SPMIP2: variants seen among roughly 807,000 people sequenced by gnomAD.
SPMIP2 encodes the protein protein SPMIP2.
chr4:158,914,950 C>A, the SPMIP2 span, among the ~76,000 whole-genome samples: 69 of 152,316 alleles, frequency 4.5e-4, no homozygotes, highest in Middle Eastern at 0.014. Context: ...TCTGAGGACA[C>A]AACCTCTTGT....
At chr4:158,987,328 C>T in the SPMIP2 span, among the ~76,000 whole-genome samples, 1 of 152,134 alleles carries the variant, frequency 6.6e-6, no homozygotes, top group Non-Finnish European at 1.5e-5. Flanking sequence ...AAGACACATG[C>T]ACACATATGT....
At chr4:158,972,356 T>G in the SPMIP2 span, among the ~76,000 whole-genome samples, 1 of 152,216 alleles carries the variant, frequency 6.6e-6, no homozygotes, top group Admixed American at 6.5e-5. Context: ...AGTGAGACCC[T>G]GTCTCTAAAT....
chr4:159,066,270 G>A, the SPMIP2 span, among the ~76,000 whole-genome samples: 1 of 152,216 alleles, frequency 6.6e-6, no homozygotes, highest in East Asian at 1.9e-4. Flanking sequence ...ATATCTGCAG[G>A]GGACAAAAAT....
the SPMIP2 span, among the ~76,000 whole-genome samples, chr4:158,977,623 T>C: frequency 2.7e-4 from 35 of 127,446 alleles, no homozygotes; most frequent in Middle Eastern, 4.0e-3. Context: ...TTTTTTTTTT[T>C]TTTCTCTTTG....
At chr4:159,002,840 G>A in the SPMIP2 span, among the ~76,000 whole-genome samples, 3 of 151,920 alleles carry the variant, frequency 2.0e-5, no homozygotes, top group East Asian at 3.9e-4. Context: ...ATTTCTTACT[G>A]TGGACTGCAG....
At chr4:159,061,420 A>G in the SPMIP2 span, among the ~76,000 whole-genome samples, 2 of 151,902 alleles carry the variant, frequency 1.3e-5, no homozygotes, top group African/African-American at 4.8e-5. Flanking sequence ...GTATCCTGGG[A>G]CACTGGTTCA....
At chr4:159,064,295 T>G in the SPMIP2 span, 1 of 152,134 alleles carries the variant, frequency 6.6e-6, no homozygotes, top group Non-Finnish European at 1.5e-5. Flanking sequence ...ATTATTATTT[T>G]TTTAAGACTA....
chr4:159,031,528 T>G, the SPMIP2 span, among the ~76,000 whole-genome samples: 1 of 152,218 alleles, frequency 6.6e-6, no homozygotes, highest in Admixed American at 6.5e-5. Context: ...GTGTGTTGGA[T>G]CCTTATTCTC....
chr4:158,975,655 T>C, the SPMIP2 span, among the ~76,000 whole-genome samples: 1 of 152,238 alleles, frequency 6.6e-6, no homozygotes, highest in Non-Finnish European at 1.5e-5. Context: ...ACCATTGGTC[T>C]ACATATCTAT....
the SPMIP2 span, among the ~76,000 whole-genome samples, chr4:159,071,864 A>T: frequency 6.6e-6 from 1 of 152,208 alleles, no homozygotes; most frequent in African/African-American, 2.4e-5. Context: ...CACAAAAACA[A>T]CAGGGAGCTA....
chr4:159,075,547 T>C, the SPMIP2 span, among the ~76,000 whole-genome samples: 3 of 152,154 alleles, frequency 2.0e-5, no homozygotes, highest in Non-Finnish European at 4.4e-5. Context: ...CGTGGCATAA[T>C]GAAAGCTTTT....
the SPMIP2 span, among the ~76,000 whole-genome samples, chr4:158,980,795 C>T: frequency 1.1e-3 from 168 of 152,304 alleles, 1 homozygote; most frequent in African/African-American, 3.8e-3. Context: ...ACCAGAATGC[C>T]TCTTCTCTTT....
chr4:158,923,031 T>C, the SPMIP2 span, among the ~76,000 whole-genome samples: 1 of 152,234 alleles, frequency 6.6e-6, no homozygotes, highest in Admixed American at 6.5e-5. Flanking sequence ...TTTTAACATA[T>C]TGAATTGTCT....
chr4:159,026,518 G>A, the SPMIP2 span: 5 of 609,840 alleles, frequency 8.2e-6, no homozygotes, highest in African/African-American at 7.4e-5. Context: ...CTATAAAAAA[G>A]TAGAATAAAA....
chr4:159,080,343 A>G, the SPMIP2 span, among the ~76,000 whole-genome samples: 1 of 151,954 alleles, frequency 6.6e-6, no homozygotes, highest in East Asian at 1.9e-4. Context: ...CCACCTCCCA[A>G]GTAACCAGGA....
At chr4:158,966,599 A>C in the SPMIP2 span, among the ~76,000 whole-genome samples, 14 of 152,192 alleles carry the variant, frequency 9.2e-5, no homozygotes, top group African/African-American at 3.1e-4. Context: ...CATTTGTTGA[A>C]AAATCTGTGA....
the SPMIP2 span, among the ~76,000 whole-genome samples, chr4:159,063,008 G>C: frequency 6.6e-6 from 1 of 151,812 alleles, no homozygotes; most frequent in Admixed American, 6.6e-5. Flanking sequence ...ATTTTTAAAT[G>C]GTCTCTATCT....
chr4:158,958,439 A>G, the SPMIP2 span, among the ~76,000 whole-genome samples: 1 of 152,144 alleles, frequency 6.6e-6, no homozygotes, highest in Admixed American at 6.5e-5. Flanking sequence ...CAGCCAATAC[A>G]TTATTTTTTA....
the SPMIP2 span, among the ~76,000 whole-genome samples, chr4:158,917,545 C>T: frequency 1.3e-5 from 2 of 151,948 alleles, no homozygotes; most frequent in Non-Finnish European, 2.9e-5. Flanking sequence ...AAAGAAGCTG[C>T]ACTCTGAGCA....
Sources: gnomAD v4.1 joint callset for allele counts (sites outside exome capture counted in the v4.1 genomes callset) on GRCh38, gnomAD v4.1.1 for gene constraint, MANE v1.5 for transcripts, NCBI Gene and HGNC (gene_info 2026-07-23, HGNC 2026-07-21) for gene names.